The following GNAZ variants were observed in gnomAD, a reference collection of about 807,000 sequenced individuals.
GNAZ encodes the protein G protein subunit alpha z, also known as guanine nucleotide-binding protein G(z) subunit alpha.
A neutral mutation model predicts 25.4 loss-of-function variants in GNAZ; 3 were observed. The ratio of observed to expected loss-of-function variants is 0.12; its 90% CI spans 0.05 to 0.30. The LOEUF is 0.30. Ranked by LOEUF, GNAZ falls within the 10% of genes least tolerant of loss-of-function variation. The probability of loss-of-function intolerance (pLI) is 1.00; values close to 1 mark genes in which losing one functional copy is unlikely to be tolerated. For missense variants in GNAZ, 241 were observed against 501.8 expected (o/e 0.48, Z 4.97); for synonymous variants, 211 against 205.7 (o/e 1.03, Z -0.22).
At chr22:23,079,211 A>C (rs2068601751) in intron 1 of GNAZ, among the ~76,000 whole-genome samples, 1 of 152,264 alleles carries the variant, frequency 6.6e-6, no homozygotes, top group African/African-American at 2.4e-5. Flanking sequence ...TGCTTGGGGC[A>C]AGGCAGCACA....
chr22:23,090,285 C>G (rs1056141546), intron 1 of GNAZ, among the ~76,000 whole-genome samples: 2 of 152,094 alleles, frequency 1.3e-5, no homozygotes, highest in East Asian at 3.9e-4. Flanking sequence ...GTTCCCTGAT[C>G]GTCTCCCTGT....
At chr22:23,094,597 A>G (rs1335549040) in intron 1 of GNAZ, among the ~76,000 whole-genome samples, 1 of 152,186 alleles carries the variant, frequency 6.6e-6, no homozygotes, top group African/African-American at 2.4e-5. Flanking sequence ...CTTCTGCAGG[A>G]GTGAGGCAGC....
chr22:23,089,029 C>T (rs2068890335), intron 1 of GNAZ, among the ~76,000 whole-genome samples: 3 of 152,304 alleles, frequency 2.0e-5, no homozygotes, highest in South Asian at 4.1e-4. Flanking sequence ...ACCATCACTT[C>T]GTCTTGGCTC....
At position 23,095,920 on chromosome 22, in the gene GNAZ, C is replaced by T; in HGVS notation, c.225C>T (p.Tyr75=). 6.2e-7 allele frequency: 1 copy of T among 1,613,592 alleles called. No homozygotes were observed. Among genetic ancestry groups the T allele is most frequent in the Non-Finnish European group, 8.5e-7 (1 of 1,180,044 alleles). ...AGGAGTACAAGCCCCTCATCATCTA[C>T]AATGCCATCGACTCGCTGACCCGCA... is the stretch of plus-strand genomic sequence containing the variant. ...ACKEYKPLII[Y]NAIDSLTRII... The change falls in exon 2 of 3, where the codon TAC becomes TAT. Residue 75 remains tyrosine (Y), a synonymous_variant. Transcript: ENST00000615612.
intron 2 of GNAZ, among the ~76,000 whole-genome samples, chr22:23,098,861 G>A (rs530504374): frequency 3.3e-5 from 5 of 152,334 alleles, no homozygotes; most frequent in Non-Finnish European, 5.9e-5. Flanking sequence ...GTCTCCAGCC[G>A]GGCCAGGGCC....
chr22:23,123,763 C>CACCGAGATCTA lies in GNAZ; in HGVS notation c.*332_*333insACCGAGATCTA. The CACCGAGATCTA allele has an allele frequency of 1.9e-5, 6 of 319,336 alleles. No homozygotes were observed. Among genetic ancestry groups the CACCGAGATCTA allele is most frequent in the Admixed American group, 4.4e-5 (1 of 22,478 alleles). The allele number at this position is 319,336 out of a possible 1,614,324, so 19.8% of individuals were successfully genotyped here. A position where few individuals can be genotyped will look rare whatever the true frequency, so the allele number is the denominator to read the frequency against. The stretch of plus-strand genomic sequence containing the variant: ...TTCACTTTGCCTTCCTGAGTTGGCC[C>CACCGAGATCTA]CACTCCACTTGGGGGTCTGCATTGG... On this transcript the variant is annotated 3_prime_UTR_variant, in exon 3 of 3. Coordinates refer to ENST00000615612, the MANE Select transcript of GNAZ (RefSeq NM_002073.4).
intron 2 of GNAZ, among the ~76,000 whole-genome samples, chr22:23,105,156 G>T (rs1297608637): frequency 6.6e-6 from 1 of 152,188 alleles, no homozygotes; most frequent in African/African-American, 2.4e-5. Flanking sequence ...GCCCAGGCCG[G>T]CCACGGCCAC....
At chr22:23,097,736 T>C (rs2069168844) in intron 2 of GNAZ, among the ~76,000 whole-genome samples, 1 of 152,228 alleles carries the variant, frequency 6.6e-6, no homozygotes, top group African/African-American at 2.4e-5. Context: ...GAGGTCAGGC[T>C]CCCTTGATGA....
intron 2 of GNAZ, among the ~76,000 whole-genome samples, chr22:23,099,304 C>A (rs1391160516): frequency 6.6e-6 from 1 of 152,266 alleles, no homozygotes; most frequent in African/African-American, 2.4e-5. Flanking sequence ...CAGCGAGCCA[C>A]ATGGGGAGCC....
At chr22:23,076,985 A>T (rs1460013166) in intron 1 of GNAZ, among the ~76,000 whole-genome samples, 2 of 152,146 alleles carry the variant, frequency 1.3e-5, no homozygotes, top group African/African-American at 4.8e-5. Flanking sequence ...AAGTGTACAG[A>T]TAGTTTCCTT....
chr22:23,107,003 G>A (rs937899867), intron 2 of GNAZ, among the ~76,000 whole-genome samples: 4 of 152,262 alleles, frequency 2.6e-5, no homozygotes, highest in Non-Finnish European at 4.4e-5. Flanking sequence ...GAACTGCTGC[G>A]GAAGGCAGGG....
intron 1 of GNAZ, among the ~76,000 whole-genome samples, chr22:23,080,109 G>C (rs2068634719): frequency 6.6e-6 from 1 of 152,182 alleles, no homozygotes; most frequent in African/African-American, 2.4e-5. Context: ...TCTTAATGAA[G>C]GCCCCACTTC....
Position 23,071,726 on chromosome 22 carries a change from C to A in GNAZ, c.-450+1156C>A, listed in dbSNP as rs531968338. On this transcript the variant is annotated intron_variant, in intron 1 of 2. Transcript: ENST00000615612. This position sits in a 1 kb window ranked among gnomAD's most constrained non-coding sequence, Gnocchi z 4.1. ...CAGGTGCAGGGGCCTCGGGAGGGAC[C>A]TCAGAGTGGTGTCCTGGGCTGGGGG... 9.2e-5 allele frequency among the ~76,000 whole-genome samples: 14 copies of A among 152,312 alleles called. No homozygotes were observed. Among genetic ancestry groups the A allele is most frequent in the African/African-American group, 3.1e-4 (13 of 41,562 alleles).
In GNAZ at chr22:23,071,578, G is replaced by T. The variant is rs142232527; in HGVS notation, c.-450+1008G>T. Among the ~76,000 whole-genome samples, 335 of 152,320 alleles carry T rather than the reference G, an allele frequency of 2.2e-3. 2 individuals are homozygous for T. Among genetic ancestry groups the T allele is most frequent in the African/African-American group, 7.7e-3 (320 of 41,574 alleles). ...CAATTAAGCAAATATTTATTGAGTG[G>T]TCACTCCCCCAGAGCTTGACGCTGG... On this transcript the variant is annotated intron_variant, in intron 1 of 2. Transcript: ENST00000615612. This position sits in a 1 kb window ranked among gnomAD's most constrained non-coding sequence, Gnocchi z 4.1.
intron 1 of GNAZ, among the ~76,000 whole-genome samples, chr22:23,072,762 TG>T (rs2146243837): frequency 6.6e-6 from 1 of 152,322 alleles, no homozygotes; most frequent in South Asian, 2.1e-4. Flanking sequence ...ACACAGGGAA[TG>T]GATTCTTCCC....
At position 23,098,802 on chromosome 22, in the gene GNAZ, C is replaced by T. The variant is rs533941485; in HGVS notation, c.723+2384C>T. ...GATTCCTCCCGCAGGCTGGGCTGGC[C>T]CCGGAGGTGAGCTGGCCCCCAGAGT... On this transcript the variant is annotated intron_variant, in intron 2 of 2. Transcript: ENST00000615612. 5.3e-5 allele frequency among the ~76,000 whole-genome samples: 8 copies of T among 152,356 alleles called. No individual in the cohort carries two copies. The East Asian group carries it at 1.5e-3, about 29-fold the overall frequency.
intron 1 of GNAZ, among the ~76,000 whole-genome samples, chr22:23,084,401 G>C (rs2068761042): frequency 6.6e-6 from 1 of 152,150 alleles, no homozygotes; most frequent in African/African-American, 2.4e-5. Flanking sequence ...CACATTTAAG[G>C]TAGGCTAGGC....
At chr22:23,101,722 G>A (rs2078729) in intron 2 of GNAZ, among the ~76,000 whole-genome samples, 8,274 of 152,296 alleles carry the variant, frequency 0.054, 270 homozygotes, top group Middle Eastern at 0.092. Flanking sequence ...CATGACCCTG[G>A]AACAGCAGAG....
chr22:23,108,098 G>A (rs1489710124), intron 2 of GNAZ, among the ~76,000 whole-genome samples: 1 of 152,214 alleles, frequency 6.6e-6, no homozygotes, highest in Non-Finnish European at 1.5e-5. Flanking sequence ...AGGAGCAGGT[G>A]CATCTGTGCA....
Sources: allele counts gnomAD v4.1 joint callset (sites outside exome capture counted in the v4.1 genomes callset), GRCh38; gene constraint gnomAD v4.1.1; non-coding constraint Gnocchi (gnomAD v3.1); transcripts MANE v1.5; gene names NCBI Gene and HGNC (gene_info 2026-07-23, HGNC 2026-07-21).